The following FNIP2 variants were observed in gnomAD, a reference collection of about 807,000 sequenced individuals.
The protein encoded by FNIP2 is folliculin interacting protein 2, also known as folliculin-interacting protein 2.
Under a neutral mutation model 108.7 loss-of-function variants are expected in FNIP2, and 32 were observed. The observed-to-expected ratio is 0.29, with a 90% CI of 0.22 to 0.40. The LOEUF (loss-of-function observed/expected upper bound fraction) is 0.40, where lower values mean the gene tolerates loss of function less well. Among genes scored for constraint, FNIP2 ranks in the 10% least tolerant of loss-of-function variants. The pLI, the probability that FNIP2 is intolerant of heterozygous loss-of-function variation, is 1.00. For missense variants in FNIP2, 1,202 were observed against 1,381.6 expected, an observed-to-expected ratio of 0.87 and a Z score of 2.06; for synonymous variants, 480 against 496.7, an observed-to-expected ratio of 0.97 and a Z score of 0.45.
chr4:158,892,635 A>G (rs1782356881), intron 15 of FNIP2, among the ~76,000 whole-genome samples: 1 of 152,112 alleles, frequency 6.6e-6, no homozygotes, highest in South Asian at 2.1e-4. Flanking sequence ...TTAAAAAGAG[A>G]GAGAGAAGCT....
At chr4:158,850,855 C>A (rs573550729) in intron 7 of FNIP2, among the ~76,000 whole-genome samples, 1 of 151,874 alleles carries the variant, frequency 6.6e-6, no homozygotes, top group Non-Finnish European at 1.5e-5. Flanking sequence ...CTGCAATCTA[C>A]AGTCTGAGCA....
intron 8 of FNIP2, among the ~76,000 whole-genome samples, chr4:158,853,425 G>A (rs919640412): frequency 3.9e-5 from 6 of 152,056 alleles, no homozygotes; most frequent in Admixed American, 1.3e-4. Context: ...TGTGCACAAC[G>A]TGCAGGTTTG....
chr4:158,770,828 T>C (rs1775674735), intron 1 of FNIP2, among the ~76,000 whole-genome samples: 1 of 152,184 alleles, frequency 6.6e-6, no homozygotes. Context: ...ATGTTACAGG[T>C]GTCTGTACTT....
At chr4:158,775,279 G>A in intron 1 of FNIP2, among the ~76,000 whole-genome samples, 1 of 152,140 alleles carries the variant, frequency 6.6e-6, no homozygotes, top group Non-Finnish European at 1.5e-5. Context: ...TGCTTAGTGT[G>A]AATTGTTAGG....
chr4:158,813,111 CTT>C (rs1438752495), intron 1 of FNIP2, among the ~76,000 whole-genome samples: 1 of 152,154 alleles, frequency 6.6e-6, no homozygotes, highest in African/African-American at 2.4e-5. Context: ...TTGATTATCT[CTT>C]TGCGTACTGA....
At chr4:158,849,825 G>A (rs1284057883) in intron 7 of FNIP2, among the ~76,000 whole-genome samples, 3 of 150,926 alleles carry the variant, frequency 2.0e-5, no homozygotes, top group East Asian at 1.9e-4. Flanking sequence ...AGTGCCATAC[G>A]TTCAGGAAGC....
chr4:158,863,159 G>A (rs1780391062), intron 12 of FNIP2, among the ~76,000 whole-genome samples: 1 of 152,236 alleles, frequency 6.6e-6, no homozygotes. Context: ...GGACGAGGAC[G>A]AGGCCCTGGT....
chr4:158,808,942 C>A (rs942543062), intron 1 of FNIP2, among the ~76,000 whole-genome samples: 2 of 152,074 alleles, frequency 1.3e-5, no homozygotes, highest in African/African-American at 2.4e-5. Context: ...CAGAAAGAAA[C>A]ATGTTGGTTG....
chr4:158,884,416 AGT>A (rs1393573465), intron 14 of FNIP2, among the ~76,000 whole-genome samples: 5 of 152,230 alleles, frequency 3.3e-5, no homozygotes, highest in Non-Finnish European at 7.3e-5. Context: ...AAGTTAAGAC[AGT>A]GTGTGATGAA....
At chr4:158,819,971 T>C (rs779570409) in intron 1 of FNIP2, among the ~76,000 whole-genome samples, 1 of 152,228 alleles carries the variant, frequency 6.6e-6, no homozygotes, top group Non-Finnish European at 1.5e-5. Context: ...CTGCGTTTCA[T>C]AGGAGCAGGG....
At chr4:158,799,655 A>G (rs775288957) in intron 1 of FNIP2, among the ~76,000 whole-genome samples, 23 of 152,204 alleles carry the variant, frequency 1.5e-4, no homozygotes, top group Non-Finnish European at 2.9e-4. Flanking sequence ...CCTAGGTCCA[A>G]ATGCTAGGGA....
rs550164743 is a variant in FNIP2, at chr4:158,823,810, G to A, written c.108-2106G>A. Among the ~76,000 whole-genome samples the A allele has an allele frequency of 2.0e-5, 3 of 152,292 alleles. No homozygotes were observed. The East Asian group carries it at 5.8e-4, about 29-fold the overall frequency. ...GCTGAACAACTGAGTTTTGGGGCTG[G>A]CTCACACAGCCAGCTTGGGTCATGT... On this transcript the variant is annotated intron_variant, in intron 1 of 16. Coordinates refer to ENST00000264433, the MANE Select transcript of FNIP2 (RefSeq NM_020840.3).
chr4:158,769,377 CCGGGGAGGGGA>C, intron 1 of FNIP2, 58 bp downstream of exon 1: 1 of 1,224,786 alleles, frequency 8.2e-7, no homozygotes, highest in East Asian at 3.4e-5. Context: ...TCGGTGCTCG[CCGGGGAGGGGA>C]CGGGTAGGGG....
rs552411752 is a variant in FNIP2, at chr4:158,849,824, C to T, written c.728-1497C>T. Among the ~76,000 whole-genome samples the T allele has an allele frequency of 4.0e-4, 60 of 150,586 alleles. No individual in the cohort carries two copies. In the South Asian group the frequency reaches 0.012, roughly 29 times the overall value. Reference sequence around the variant, plus strand: ...GTTAAAAAAAAAAAAAAGTGCCATACGTTCAGGAAGCATTTGCTAATTGCC... The same window carrying T: ...GTTAAAAAAAAAAAAAAGTGCCATATGTTCAGGAAGCATTTGCTAATTGCC... On this transcript the variant is annotated intron_variant, in intron 7 of 16. Coordinates refer to ENST00000264433, the MANE Select transcript of FNIP2 (RefSeq NM_020840.3).
At chr4:158,819,624 A>G (rs1000239714) in intron 1 of FNIP2, among the ~76,000 whole-genome samples, 8 of 152,260 alleles carry the variant, frequency 5.3e-5, no homozygotes, top group Non-Finnish European at 7.3e-5. Flanking sequence ...TAACATAGCA[A>G]AAGATAAATG....
At chr4:158,889,814 T>C in intron 14 of FNIP2, 1 of 985,318 alleles carries the variant, frequency 1.0e-6, no homozygotes, top group Non-Finnish European at 1.2e-6. Context: ...CCTTTTTTTT[T>C]TTTTTCCATA....
intron 1 of FNIP2, among the ~76,000 whole-genome samples, chr4:158,792,711 C>T (rs1776462354): frequency 6.6e-6 from 1 of 152,172 alleles, no homozygotes. Context: ...GTTCGGTATT[C>T]ACTAATTCAG....
chr4:158,777,971 A>T (rs1775913485), intron 1 of FNIP2, among the ~76,000 whole-genome samples: 1 of 152,196 alleles, frequency 6.6e-6, no homozygotes, highest in Non-Finnish European at 1.5e-5. Context: ...CTATGCAAAT[A>T]CAGGAAAAAA....
At chr4:158,776,920 A>G (rs984976546) in intron 1 of FNIP2, among the ~76,000 whole-genome samples, 1 of 152,206 alleles carries the variant, frequency 6.6e-6, no homozygotes, top group Non-Finnish European at 1.5e-5. Context: ...TAGAAAATGA[A>G]TCTTGTTACA....
Sources: gnomAD v4.1 joint callset for allele counts (sites outside exome capture counted in the v4.1 genomes callset) on GRCh38, gnomAD v4.1.1 for gene constraint, MANE v1.5 for transcripts, NCBI Gene and HGNC (gene_info 2026-07-23, HGNC 2026-07-21) for gene names.